CYP51A1: variants seen among roughly 807,000 people sequenced by gnomAD.
CYP51A1 encodes the protein lanosterol 14-alpha demethylase.
CYP51A1 carries 45 observed loss-of-function variants against 53.5 expected under a neutral mutation model. The observed-to-expected ratio is 0.84, with a 90% CI of 0.66 to 1.08. CYP51A1 has a LOEUF of 1.08. CYP51A1 is among the 50% of genes least tolerant of loss of function. CYP51A1 has a pLI of 0.00. For synonymous variants in CYP51A1, 181 were observed against 217.7 expected (o/e 0.83, Z 1.48); for missense variants, 462 against 621.7 (o/e 0.74, Z 2.73).
chr7:92,128,682 T>G (rs1432040099), intron 3 of CYP51A1, among the ~76,000 whole-genome samples, 198 bp downstream of exon 3: 1 of 151,932 alleles, frequency 6.6e-6, no homozygotes, highest in Non-Finnish European at 1.5e-5. Context: ...AGAGACAGGG[T>G]TTCACCATGT....
At chr7:92,127,705 T>C in intron 3 of CYP51A1, 74 bp from the exon 4 acceptor site, 1 of 1,478,462 alleles carries the variant, frequency 6.8e-7, no homozygotes, top group Non-Finnish European at 9.4e-7. Context: ...ATTTAGGTTA[T>C]TATAATTATG....
intron 9 of CYP51A1, 147 bp downstream of exon 9, chr7:92,116,897 T>C (rs531988597): frequency 3.1e-6 from 2 of 647,008 alleles, no homozygotes; most frequent in African/African-American, 3.7e-5. Context: ...TTCTCCAACT[T>C]ATAAAGATTC....
intron 7 of CYP51A1, among the ~76,000 whole-genome samples, chr7:92,122,536 A>G (rs1819713070): frequency 6.6e-6 from 1 of 152,332 alleles, no homozygotes; most frequent in East Asian, 1.9e-4. Context: ...TACAATTAAC[A>G]TCTGAAAATC....
chr7:92,119,272 T>C (rs778513968), intron 7 of CYP51A1, among the ~76,000 whole-genome samples: 2 of 152,164 alleles, frequency 1.3e-5, no homozygotes, highest in Non-Finnish European at 1.5e-5. Context: ...AGTTCCAACA[T>C]AAGAGAATCT....
Position 92,134,286 on chromosome 7 carries a change from C to T in CYP51A1, c.79G>A (p.Val27Met). ...ATGGACAAGAGGTTGCCGCCTGTCA[C>T]CTTCTCCATCGCCTGGCCCAGCACC... is the stretch of plus-strand genomic sequence containing the variant. ...GSVLGQAMEK[V>M]TGGNLLSMLL... Residue 27 changes from valine (V) to methionine (M), a missense_variant, in exon 1 of 10, where the codon GTG becomes ATG. Val to Met is a conservative substitution (Grantham distance 21, BLOSUM62 1). Transcript: ENST00000003100. The T allele has an allele frequency of 6.2e-7, 1 of 1,611,856 alleles. No individual in the cohort carries two copies. The highest frequency in any genetic ancestry group is 1.7e-5 in the Admixed American group (1 of 59,846).
At chr7:92,134,028 A>C in intron 1 of CYP51A1, 145 bp downstream of exon 1, 1 of 749,332 alleles carries the variant, frequency 1.3e-6, no homozygotes, top group Non-Finnish European at 2.1e-6. Flanking sequence ...CGCGCCTGCC[A>C]CCAAAGCCAC....
chr7:92,134,197 G>C lies in CYP51A1; in HGVS notation c.168C>G (p.His56Gln), dbSNP rs1283391141. ...CCACCCCTGCGGGCAGCTGGACCAG[G>C]TGGCCGGCGGCCAGACGGATCAGGT... is the stretch of plus-strand genomic sequence containing the variant. ...LVYLIRLAAG[H>Q]LVQLPAGVKS... Residue 56 changes from histidine to glutamine, a missense_variant, in exon 1 of 10, where the codon CAC becomes CAG. Transcript: ENST00000003100. 1 of 1,612,420 alleles carries C rather than the reference G, an allele frequency of 6.2e-7. No homozygotes were observed. Among genetic ancestry groups the C allele is most frequent in the Non-Finnish European group, 8.5e-7 (1 of 1,179,730 alleles).
At chr7:92,122,063 A>G (rs1819704131) in intron 7 of CYP51A1, among the ~76,000 whole-genome samples, 1 of 152,116 alleles carries the variant, frequency 6.6e-6, no homozygotes, top group Non-Finnish European at 1.5e-5. Context: ...GGATTATGAG[A>G]ATACTATGAA....
Position 92,134,452 on chromosome 7 carries a change from G to C in CYP51A1, c.-88C>G. On this transcript the variant is annotated 5_prime_UTR_variant, in exon 1 of 10. Coordinates refer to ENST00000003100, the MANE Select transcript of CYP51A1 (RefSeq NM_000786.4). ...AGAAGCTGGCAGATGGTCGTCCACAGGGGGCCTTGCCCCAGGTCTCCTACT... is the reference window on the plus strand; with the variant it reads ...AGAAGCTGGCAGATGGTCGTCCACACGGGGCCTTGCCCCAGGTCTCCTACT... 1 of 1,388,400 alleles carries C rather than the reference G, an allele frequency of 7.2e-7. No individual in the cohort carries two copies. The highest frequency in any genetic ancestry group is 1.4e-5 in the South Asian group (1 of 70,108). The allele number at this position is 1,388,400 out of a possible 1,614,324, so 86.0% of individuals were successfully genotyped here.
At chr7:92,133,139 C>T (rs931019963) in intron 1 of CYP51A1, among the ~76,000 whole-genome samples, 2 of 152,170 alleles carry the variant, frequency 1.3e-5, no homozygotes, top group Non-Finnish European at 2.9e-5. Context: ...TTGTACATTG[C>T]ATTGTCAGTA....
chr7:92,127,732 A>C (rs533137271), intron 3 of CYP51A1, 101 bp from the exon 4 acceptor site: 3 of 1,205,374 alleles, frequency 2.5e-6, no homozygotes, highest in African/African-American at 3.0e-5. Flanking sequence ...TAACACAAGT[A>C]ATGGTTTTAA....
intron 1 of CYP51A1, among the ~76,000 whole-genome samples, chr7:92,133,696 G>C (rs562433722): frequency 6.6e-5 from 10 of 152,194 alleles, no homozygotes; most frequent in Non-Finnish European, 1.5e-4. Flanking sequence ...ACAGCCCACA[G>C]AACACTGAAC....
At chr7:92,125,536 T>C (rs1819781534) in intron 5 of CYP51A1, among the ~76,000 whole-genome samples, 1 of 152,202 alleles carries the variant, frequency 6.6e-6, no homozygotes, top group African/African-American at 2.4e-5. Context: ...TCCCTGTCCT[T>C]AAGAAACAGA....
In CYP51A1 at chr7:92,132,251, T is replaced by C. The variant is rs182610111; in HGVS notation, c.193-379A>G. On this transcript the variant is annotated intron_variant, in intron 1 of 9. Coordinates refer to ENST00000003100, the MANE Select transcript of CYP51A1 (RefSeq NM_000786.4). Reference sequence around the variant, plus strand: ...AACTACACTTGTCCCTTGGCATTTGTGGAGAACTGGTCCCAGGACCCCCTC... The same window carrying C: ...AACTACACTTGTCCCTTGGCATTTGCGGAGAACTGGTCCCAGGACCCCCTC... Among the ~76,000 whole-genome samples, 936 of 152,334 alleles carry C rather than the reference T, an allele frequency of 6.1e-3. 3 individuals carry two copies. The highest frequency in any genetic ancestry group is 0.041 in the Middle Eastern group (12 of 294).
At chr7:92,126,753 A>G (rs1026579848) in intron 4 of CYP51A1, among the ~76,000 whole-genome samples, 18 of 152,260 alleles carry the variant, frequency 1.2e-4, no homozygotes, top group African/African-American at 4.3e-4. Flanking sequence ...TTTATAGTGC[A>G]TATGACAATA....
At chr7:92,127,443 C>A in intron 4 of CYP51A1, 62 bp downstream of exon 4, 1 of 1,494,288 alleles carries the variant, frequency 6.7e-7, no homozygotes, top group Non-Finnish European at 9.1e-7. Context: ...CACATATATA[C>A]TCTACTTTTC....
At chr7:92,132,934 A>G (rs141800423) in intron 1 of CYP51A1, among the ~76,000 whole-genome samples, 1,697 of 152,314 alleles carry the variant, frequency 0.011, 141 homozygotes, top group Admixed American at 0.1. Flanking sequence ...AATAGAAAGG[A>G]GCACCACAAC....
In CYP51A1 at chr7:92,120,156, CACAGATTTAAAG is replaced by C. The variant is rs549250736; in HGVS notation, c.1087-1553_1087-1542del. Among the ~76,000 whole-genome samples the C allele has an allele frequency of 7.3e-3, 1,105 of 152,264 alleles. 8 individuals carry two copies. The highest frequency in any genetic ancestry group is 9.3e-3 in the Non-Finnish European group (635 of 68,002). ...AAATAAGAGAAAGACATCTCATGTT[CACAGATTTAAAG>C]ACTAAAATTGTGCTCCCAAATTAAT... On this transcript the variant is annotated intron_variant, in intron 7 of 9. Coordinates refer to ENST00000003100, the MANE Select transcript of CYP51A1 (RefSeq NM_000786.4).
chr7:92,117,374 A>G (rs940764187), intron 8 of CYP51A1, 162 bp from the exon 9 acceptor site: 5 of 563,660 alleles, frequency 8.9e-6, no homozygotes, highest in Non-Finnish European at 1.5e-5. Flanking sequence ...TCAAAAAATT[A>G]TAAGTTGAAT....
Sources: gnomAD v4.1 joint callset for allele counts (sites outside exome capture counted in the v4.1 genomes callset) on GRCh38, gnomAD v4.1.1 for gene constraint, MANE v1.5 for transcripts, NCBI Gene and HGNC (gene_info 2026-07-23, HGNC 2026-07-21) for gene names.